The following CCDC88C variants were observed in gnomAD, a reference collection of about 807,000 sequenced individuals.
CCDC88C encodes protein Daple.
Under a neutral mutation model 198.8 loss-of-function variants are expected in CCDC88C, and 131 were observed. That is an observed-to-expected ratio of 0.66 (90% CI 0.57 to 0.76). The LOEUF is 0.76. Ranked by LOEUF, CCDC88C falls within the 30% of genes least tolerant of loss-of-function variation. The probability of loss-of-function intolerance (pLI) is 0.00; values close to 1 mark genes in which losing one functional copy is unlikely to be tolerated. For missense variants in CCDC88C, 2,553 were observed against 2,631.6 expected (o/e 0.97, Z 0.65); for synonymous variants, 1,166 against 1,114.7 (o/e 1.05, Z -0.92).
Position 91,305,780 on chromosome 14 carries a change from C to T in CCDC88C, c.3342G>A (p.Gln1114=), listed in dbSNP as rs1441428216. ...LQEHNTTLQT[Q]TAKLQVENST... ...CCCCGCTCACCTGCAGCTTGGCGGT[C>T]TGGGTCTGCAGTGTGGTGTTGTGCT... The change falls in exon 19 of 30, where the codon CAG becomes CAA. Residue 1114 remains glutamine, a synonymous_variant. Coordinates refer to ENST00000389857, the MANE Select transcript of CCDC88C (RefSeq NM_001080414.4). 1 of 1,601,616 alleles carries T rather than the reference C, an allele frequency of 6.2e-7. No individual in the cohort carries two copies. Among genetic ancestry groups the T allele is most frequent in the African/African-American group, 1.3e-5 (1 of 74,772 alleles).
intron 2 of CCDC88C, among the ~76,000 whole-genome samples, chr14:91,414,690 A>G (rs1401121620): frequency 6.6e-6 from 1 of 152,168 alleles, no homozygotes; most frequent in African/African-American, 2.4e-5. Flanking sequence ...CTGGAAAGCC[A>G]GCCATTCAGC....
intron 4 of CCDC88C, among the ~76,000 whole-genome samples, chr14:91,350,409 G>A (rs1596100555): frequency 6.6e-6 from 1 of 152,126 alleles, no homozygotes; most frequent in Non-Finnish European, 1.5e-5. Context: ...TGATTCATCC[G>A]TCTTGGCCTC....
At chr14:91,285,928 T>C (rs1381401667) in intron 25 of CCDC88C, 2 of 704,700 alleles carry the variant, frequency 2.8e-6, no homozygotes, top group Admixed American at 3.2e-5. Flanking sequence ...GAATCGAAAT[T>C]AGCTAAATGT....
At chr14:91,286,954 A>G (rs185710842) in intron 25 of CCDC88C, among the ~76,000 whole-genome samples, 6 of 152,338 alleles carry the variant, frequency 3.9e-5, no homozygotes, top group African/African-American at 1.2e-4. Flanking sequence ...AAGCACATAA[A>G]GTAGTTAGAG....
intron 2 of CCDC88C, 125 bp downstream of exon 2, chr14:91,416,613 T>C: frequency 1.4e-6 from 1 of 724,136 alleles, no homozygotes; most frequent in East Asian, 2.7e-5. Context: ...GATACCAGCG[T>C]CTCCACCTTC....
At chr14:91,330,075 T>C (rs61988406) in intron 10 of CCDC88C, among the ~76,000 whole-genome samples, 12,749 of 152,316 alleles carry the variant, frequency 0.084, 590 homozygotes, top group Middle Eastern at 0.12. Context: ...TGCTGACCCC[T>C]GAGCCACAAG....
intron 3 of CCDC88C, among the ~76,000 whole-genome samples, chr14:91,382,232 C>A (rs1380948286): frequency 6.6e-6 from 1 of 152,168 alleles, no homozygotes; most frequent in Non-Finnish European, 1.5e-5. Context: ...CTCTTTTCCA[C>A]AAATCTCAAC....
At chr14:91,293,451 G>A (rs61988372) in intron 23 of CCDC88C, among the ~76,000 whole-genome samples, 167 of 1,258 alleles carry the variant, frequency 0.13, 14 homozygotes, top group South Asian at 0.27. Context: ...CACCTGCCAC[G>A]GTCCACCTTC....
chr14:91,392,420 C>A (rs1211551829), intron 3 of CCDC88C, among the ~76,000 whole-genome samples: 2 of 152,052 alleles, frequency 1.3e-5, no homozygotes, highest in East Asian at 1.9e-4. Flanking sequence ...TTAATTAGGG[C>A]TAGAGGAGGA....
chr14:91,401,839 C>CT (rs1188829929), intron 3 of CCDC88C, among the ~76,000 whole-genome samples: 2 of 152,166 alleles, frequency 1.3e-5, no homozygotes, highest in Non-Finnish European at 2.9e-5. Context: ...TGAGTGGACT[C>CT]TAAGTTCCCT....
rs549421481 is a variant in CCDC88C at position 91,294,741 on chromosome 14, G to A, written c.3967-423C>T. On this transcript the variant is annotated intron_variant, in intron 22 of 29. Coordinates refer to ENST00000389857, the MANE Select transcript of CCDC88C (RefSeq NM_001080414.4). ...ATGACCTCGGCTCACTGCAACCTCCGCCTCCTGGGTTCAAGCGACTCTCCT... is the reference window on the plus strand; with the variant it reads ...ATGACCTCGGCTCACTGCAACCTCCACCTCCTGGGTTCAAGCGACTCTCCT... Among the ~76,000 whole-genome samples the A allele has an allele frequency of 3.9e-4, 60 of 152,284 alleles. No homozygotes were observed. The South Asian group carries it at 0.011, about 27-fold the overall frequency.
chr14:91,372,116 C>G (rs1894835007), intron 3 of CCDC88C, among the ~76,000 whole-genome samples: 1 of 152,144 alleles, frequency 6.6e-6, no homozygotes, highest in Admixed American at 6.5e-5. Flanking sequence ...AGGGAGAGCT[C>G]CTTGAGGAAG....
intron 15 of CCDC88C, among the ~76,000 whole-genome samples, chr14:91,311,303 C>A (rs1027859474): frequency 6.6e-6 from 1 of 152,232 alleles, no homozygotes. Context: ...ATCTCTCCCC[C>A]ACAGCACATG....
At position 91,273,381 on chromosome 14, in the gene CCDC88C, C is replaced by G. The variant is rs759310053; in HGVS notation, c.5331G>C (p.Leu1777=). The G allele has an allele frequency of 1.0e-4, 155 of 1,533,396 alleles. No individual in the cohort carries two copies. Among genetic ancestry groups the G allele is most frequent in the Non-Finnish European group, 1.2e-4 (138 of 1,139,640 alleles). The allele number at this position is 1,533,396 out of a possible 1,614,324, so 95.0% of individuals were successfully genotyped here. Residue 1777 remains leucine (L), a synonymous_variant, in exon 30 of 30, where the codon CTG becomes CTC. Transcript: ENST00000389857. The surrounding 1 kb of genome is among the most constrained non-coding windows in gnomAD (Gnocchi z 5.6). ...APRQAQPPQS[L]SLGRPRQAPV... is the part of the protein sequence containing the mutation. ...GAGCCTGCCGGGGTCTGCCCAGAGACAGGCTCTGGGGAGGCTGGGCCTGTC... is the reference window on the plus strand; with the variant it reads ...GAGCCTGCCGGGGTCTGCCCAGAGAGAGGCTCTGGGGAGGCTGGGCCTGTC...
intron 12 of CCDC88C, among the ~76,000 whole-genome samples, chr14:91,322,501 T>C (rs1256505477): frequency 6.6e-6 from 1 of 152,174 alleles, no homozygotes; most frequent in Non-Finnish European, 1.5e-5. Context: ...CAAGGACGCT[T>C]GGAGGGCTCC....
At chr14:91,308,570 A>G (rs1891660413) in intron 16 of CCDC88C, 78 bp from the exon 17 acceptor site, 1 of 1,415,978 alleles carries the variant, frequency 7.1e-7, no homozygotes, top group African/African-American at 1.4e-5. Flanking sequence ...CTGCCAACAC[A>G]TCACTCCTTC....
chr14:91,346,836 T>A (rs1596096604), intron 4 of CCDC88C, among the ~76,000 whole-genome samples: 2 of 151,934 alleles, frequency 1.3e-5, no homozygotes, highest in African/African-American at 4.8e-5. Context: ...GAGGCGGAGG[T>A]TGCAGTGAGC....
chr14:91,344,762 G>A (rs973923267), intron 4 of CCDC88C, among the ~76,000 whole-genome samples: 1 of 150,748 alleles, frequency 6.6e-6, no homozygotes, highest in Non-Finnish European at 1.5e-5. Flanking sequence ...GCCTCCCAAA[G>A]TGCTGGGATT....
chr14:91,372,210 G>C (rs1234370151), intron 3 of CCDC88C, among the ~76,000 whole-genome samples: 1 of 151,816 alleles, frequency 6.6e-6, no homozygotes, highest in African/African-American at 2.4e-5. Context: ...GAGGTGGAGG[G>C]TATGAAGCCA....
Sources: allele counts gnomAD v4.1 joint callset (sites outside exome capture counted in the v4.1 genomes callset), GRCh38; gene constraint gnomAD v4.1.1; non-coding constraint Gnocchi (gnomAD v3.1); transcripts MANE v1.5; gene names NCBI Gene and HGNC (gene_info 2026-07-23, HGNC 2026-07-21).